Variants in CD96 observed in about 807,000 individuals in gnomAD.
CD96 encodes the protein CD96 molecule, also known as T-cell surface protein tactile.
In CD96, 70 loss-of-function variants were observed where a neutral mutation model predicts 71.3. The observed-to-expected ratio is 0.98, with a 90% CI of 0.81 to 1.20. CD96 has a LOEUF of 1.20. Ranked by LOEUF, CD96 falls within the 50% of genes most tolerant of loss-of-function variation. The pLI, the probability that CD96 is intolerant of heterozygous loss-of-function variation, is 0.00. For synonymous variants in CD96, 248 were observed against 233.0 expected, an observed-to-expected ratio of 1.06 and a Z score of -0.59; for missense variants, 742 against 677.5, an observed-to-expected ratio of 1.10 and a Z score of -1.06.
intron 7 of CD96, among the ~76,000 whole-genome samples, chr3:111,601,931 G>A (rs958624977): frequency 9.9e-5 from 15 of 152,152 alleles, no homozygotes; most frequent in Non-Finnish European, 1.3e-4. Context: ...CTGATGCCGG[G>A]GCACTGGCAT....
At chr3:111,602,119 A>T (rs1445081593) in intron 7 of CD96, among the ~76,000 whole-genome samples, 1 of 152,222 alleles carries the variant, frequency 6.6e-6, no homozygotes, top group African/African-American at 2.4e-5. Flanking sequence ...TGGACATAAT[A>T]GGGCTGCAGT....
intron 2 of CD96, among the ~76,000 whole-genome samples, chr3:111,551,442 G>A (rs1463878773): frequency 1.3e-5 from 2 of 152,124 alleles, no homozygotes; most frequent in Admixed American, 1.3e-4. Context: ...GGAGATTACA[G>A]CAGAAGTTGA....
chr3:111,593,477 G>A, intron 5 of CD96: 1 of 1,489,006 alleles, frequency 6.7e-7, no homozygotes, highest in Non-Finnish European at 8.9e-7. Flanking sequence ...CATTTGAGTT[G>A]AAACTAAAAT....
rs1938252838 is a variant in CD96, at chr3:111,616,656, G to A, written c.1181-7098G>A. 7.9e-5 allele frequency among the ~76,000 whole-genome samples: 12 copies of A among 152,310 alleles called. 1 individual carries two copies. The highest frequency in any genetic ancestry group is 7.8e-4 in the Admixed American group (12 of 15,304). On this transcript the variant is annotated intron_variant, in intron 8 of 13. Coordinates refer to ENST00000352690, the MANE Select transcript of CD96 (RefSeq NM_005816.5). ...AGCCTTGGGTTCAGTTGTTGTCTCT[G>A]CCACCTACTGGCTCTGTAGCCTAGA... is the stretch of plus-strand genomic sequence containing the variant.
At chr3:111,625,279 C>T (rs1938695902) in intron 10 of CD96, among the ~76,000 whole-genome samples, 1 of 152,150 alleles carries the variant, frequency 6.6e-6, no homozygotes, top group Admixed American at 6.5e-5. Context: ...GGCCCTCAGG[C>T]TCACAGATTT....
At chr3:111,566,338 A>G (rs1935711503) in intron 2 of CD96, among the ~76,000 whole-genome samples, 1 of 152,062 alleles carries the variant, frequency 6.6e-6, no homozygotes, top group African/African-American at 2.4e-5. Context: ...GGTTTAAAAT[A>G]AAGTAAAAAG....
At position 111,645,003 on chromosome 3, in the gene CD96, A is replaced by G. The variant is rs554505262; in HGVS notation, c.1478-2540A>G. On this transcript the variant is annotated intron_variant, in intron 12 of 13. Transcript: ENST00000352690. ...AGCCATCATTTGATCCAGCAATCCCACTACTGGATATCTGCCCAGAGGAAA... is the reference window on the plus strand; with the variant it reads ...AGCCATCATTTGATCCAGCAATCCCGCTACTGGATATCTGCCCAGAGGAAA... Among the ~76,000 whole-genome samples the G allele has an allele frequency of 2.6e-5, 4 of 152,338 alleles. No individual in the cohort carries two copies. The East Asian group carries it at 5.8e-4, about 22-fold the overall frequency.
chr3:111,601,816 C>T (rs1384925693), intron 7 of CD96, among the ~76,000 whole-genome samples: 5 of 152,074 alleles, frequency 3.3e-5, no homozygotes, highest in Admixed American at 1.3e-4. Context: ...GGGCACAACC[C>T]GCATCTTGGG....
At position 111,596,463 on chromosome 3, in the gene CD96, G is replaced by A. The variant is rs191064708; in HGVS notation, c.808-1657G>A. 6.3e-4 allele frequency among the ~76,000 whole-genome samples: 96 copies of A among 152,112 alleles called. 1 individual carries two copies. Among genetic ancestry groups the A allele is most frequent in the African/African-American group, 2.2e-3 (93 of 41,494 alleles). On this transcript the variant is annotated intron_variant, in intron 5 of 13. Transcript: ENST00000352690. ...TCAAATCTTTTCAAAATTTTTAGAC[G>A]TTAACCAGAGTTCTTCAGTGAGCCA...
chr3:111,627,332 A>T lies in CD96; in HGVS notation c.1321+2928A>T, dbSNP rs79107209. ...TGTAGGCACTGGAAAGTCCAAACGG[A>T]ACAGAGCAGAGGCAGTTCCACAACA... On this transcript the variant is annotated intron_variant, in intron 10 of 13. Transcript: ENST00000352690. 2.7e-3 allele frequency among the ~76,000 whole-genome samples: 410 copies of T among 152,266 alleles called. 2 individuals carry two copies. The highest frequency in any genetic ancestry group is 9.1e-3 in the African/African-American group (380 of 41,560).
downstream of CD96, among the ~76,000 whole-genome samples, chr3:111,657,360 G>A (rs1183016237): frequency 6.6e-6 from 1 of 151,814 alleles, no homozygotes; most frequent in Admixed American, 6.6e-5. Context: ...GGAGGTTGTG[G>A]TGAGCTATCA....
intron 5 of CD96, among the ~76,000 whole-genome samples, chr3:111,591,763 G>A (rs1336889285): frequency 2.6e-5 from 4 of 152,148 alleles, no homozygotes; most frequent in African/African-American, 9.7e-5. Context: ...TTAATATCAG[G>A]CAGATCTCTA....
rs534911801 is a variant in CD96 at position 111,570,641 on chromosome 3, G to A, written c.543+2994G>A. On this transcript the variant is annotated intron_variant, in intron 3 of 13. Transcript: ENST00000352690. ...ACACCAGGCGCATGGCAGCTCACACGTACATGGCCCGGGACATGACAAAGC... is the reference window on the plus strand; with the variant it reads ...ACACCAGGCGCATGGCAGCTCACACATACATGGCCCGGGACATGACAAAGC... 968 of 1,604,334 alleles carry A rather than the reference G, an allele frequency of 6.0e-4. 2 individuals are homozygous for A. Among genetic ancestry groups the A allele is most frequent in the African/African-American group, 5.9e-3 (440 of 74,790 alleles).
At chr3:111,609,763 G>A (rs1937813476) in intron 8 of CD96, among the ~76,000 whole-genome samples, 1 of 152,192 alleles carries the variant, frequency 6.6e-6, no homozygotes, top group African/African-American at 2.4e-5. Context: ...TGGGAAGTCT[G>A]TGCAGACTCA....
At chr3:111,561,545 T>C (rs1935407433) in intron 2 of CD96, among the ~76,000 whole-genome samples, 1 of 148,266 alleles carries the variant, frequency 6.7e-6, no homozygotes, top group African/African-American at 2.4e-5. Flanking sequence ...AGGGACCCAC[T>C]TGAGGAGGCA....
At position 111,591,371 on chromosome 3, in the gene CD96, TAAAAAAAAA is replaced by T. The variant is rs3082283; in HGVS notation, c.807+6009_807+6017del. ...CTGGCAAGAGAGTGAGACTCCATCT[TAAAAAAAAA>T]AAAAAAAAAAAAAAAGACACCAGAA... On this transcript the variant is annotated intron_variant, in intron 5 of 13. Coordinates refer to ENST00000352690, the MANE Select transcript of CD96 (RefSeq NM_005816.5). 2.9e-3 allele frequency among the ~76,000 whole-genome samples: 258 copies of T among 88,144 alleles called. 1 individual carries two copies. The highest frequency in any genetic ancestry group is 0.011 in the African/African-American group (247 of 21,990). The allele number at this position is 88,144 out of a possible 152,430, so 57.8% of individuals were successfully genotyped here.
chr3:111,655,157 A>G (rs1351215890), downstream of CD96, among the ~76,000 whole-genome samples: 3 of 152,214 alleles, frequency 2.0e-5, no homozygotes, highest in Non-Finnish European at 4.4e-5. Context: ...AAGCCATTGC[A>G]CTGATTCAAA....
At chr3:111,615,558 T>C (rs1938188856) in intron 8 of CD96, among the ~76,000 whole-genome samples, 1 of 152,238 alleles carries the variant, frequency 6.6e-6, no homozygotes, top group Non-Finnish European at 1.5e-5. Flanking sequence ...GAGTGGCTGA[T>C]TGACCAGTCT....
chr3:111,595,305 G>C (rs1376455260), intron 5 of CD96: 2 of 152,126 alleles, frequency 1.3e-5, no homozygotes, highest in Non-Finnish European at 2.9e-5. Flanking sequence ...CTTACAAGCA[G>C]GCAAGGCTCT....
Sources: gnomAD v4.1 joint callset for allele counts (sites outside exome capture counted in the v4.1 genomes callset) on GRCh38, gnomAD v4.1.1 for gene constraint, MANE v1.5 for transcripts, NCBI Gene and HGNC (gene_info 2026-07-23, HGNC 2026-07-21) for gene names.